DLEC1: variants seen among roughly 807,000 people sequenced by gnomAD.
The protein encoded by DLEC1 is DLEC1 cilia and flagella associated protein, also known as deleted in lung and esophageal cancer protein 1.
In DLEC1, 146 loss-of-function variants were observed where a neutral mutation model predicts 198.1. The observed-to-expected ratio is 0.74, with a 90% CI of 0.64 to 0.85. The LOEUF is 0.85. Ranked by LOEUF, DLEC1 falls within the 40% of genes least tolerant of loss-of-function variation. The pLI is 0.00. For missense variants in DLEC1, 2,233 were observed against 2,220.0 expected (o/e 1.01, Z -0.12); for synonymous variants, 897 against 866.8 (o/e 1.03, Z -0.61).
intron 27 of DLEC1, among the ~76,000 whole-genome samples, 171 bp downstream of exon 27, chr3:38,115,224 T>G (rs1178364025): frequency 6.6e-6 from 1 of 152,190 alleles, no homozygotes; most frequent in Non-Finnish European, 1.5e-5. Flanking sequence ...CCTGCTCTCA[T>G]CAGGGTTGCT....
chr3:38,050,755 TC>T (rs1180966511), intron 2 of DLEC1, among the ~76,000 whole-genome samples: 2 of 152,198 alleles, frequency 1.3e-5, no homozygotes, highest in South Asian at 4.1e-4. Context: ...TGACATTATT[TC>T]CCTCAGTCTT....
At chr3:38,117,730 A>G in intron 32 of DLEC1, 76 bp from the exon 33 acceptor site, 1 of 1,018,036 alleles carries the variant, frequency 9.8e-7, no homozygotes, top group Non-Finnish European at 1.5e-6. Context: ...CAGCCCTCCC[A>G]GCCCTACCCT....
intron 6 of DLEC1, among the ~76,000 whole-genome samples, chr3:38,072,965 G>A (rs888106776): frequency 7.2e-5 from 11 of 152,224 alleles, no homozygotes; most frequent in East Asian, 1.9e-4. Flanking sequence ...GGTGAGAAGC[G>A]GAGGGGTGGA....
At chr3:38,108,846 C>T (rs1699709247) in intron 21 of DLEC1, among the ~76,000 whole-genome samples, 2 of 152,332 alleles carry the variant, frequency 1.3e-5, no homozygotes, top group East Asian at 3.9e-4. Flanking sequence ...CAGAGCAGAG[C>T]TGTTGCTCAC....
Position 38,122,284 on chromosome 3 carries a change from C to T in DLEC1, c.5145-5C>T, listed in dbSNP as rs1340616424. 6 of 1,610,636 alleles carry T rather than the reference C, an allele frequency of 3.7e-6. No homozygotes were observed. In the South Asian group the frequency reaches 5.5e-5, roughly 15 times the overall value. On this transcript the variant is annotated splice_region_variant and splice_polypyrimidine_tract_variant and intron_variant, in intron 36 of 36. Coordinates refer to ENST00000308059, the MANE Select transcript of DLEC1 (RefSeq NM_007335.4). ...CTAACCTCAGCCCCCACATGCTCCC[C>T]ACAGGAGTAGTGAGCTGTACGAGTC...
chr3:38,121,940 TG>T, intron 35 of DLEC1, 130 bp from the exon 36 acceptor site: 4 of 1,514,580 alleles, frequency 2.6e-6, no homozygotes, highest in Non-Finnish European at 3.6e-6. Context: ...CAATCCCACA[TG>T]ATCTCAGGGT....
chr3:38,085,438 G>A lies in DLEC1; in HGVS notation c.1426G>A (p.Val476Met), dbSNP rs79138042. 8.7e-5 allele frequency: 140 copies of A among 1,613,786 alleles called. 1 individual carries two copies. Among genetic ancestry groups the A allele is most frequent in the South Asian group, 6.1e-4 (56 of 91,080 alleles). ...CCTGCAGGCCCGGAGGCCGCCCCCC[G>A]TGCTGACATGTGAGTGTGCACCGTA... ...IPLQARRPPP[V>M]LTLSPVLDCG... Residue 476 changes from valine to methionine, a missense_variant, in exon 8 of 37, where the codon GTG becomes ATG. Physicochemically the swap from Val to Met is conservative, Grantham distance 21. Coordinates refer to ENST00000308059, the MANE Select transcript of DLEC1 (RefSeq NM_007335.4).
rs1700154533 is a variant in DLEC1 at position 38,116,314 on chromosome 3, T to C, written c.3857-139T>C. 1.2e-5 allele frequency: 9 copies of C among 743,816 alleles called. No individual in the cohort carries two copies. The Admixed American group carries it at 1.3e-4, about 11-fold the overall frequency. 46.1% of individuals were successfully genotyped at this position (743,816 alleles called of 1,614,324 possible). A position where few individuals can be genotyped will look rare whatever the true frequency, so the allele number is the denominator to read the frequency against. On this transcript the variant is annotated intron_variant, in intron 27 of 36. Transcript: ENST00000308059. The stretch of plus-strand genomic sequence containing the variant: ...AATGAGAATTGCCTGGAAGTGGCAT[T>C]AGAGAGGCAGAGAGGCACCCCCTCC...
intron 6 of DLEC1, among the ~76,000 whole-genome samples, chr3:38,075,160 T>C (rs903685037): frequency 6.6e-6 from 1 of 151,750 alleles, no homozygotes; most frequent in Admixed American, 6.6e-5. Flanking sequence ...TCAACGACGC[T>C]TGGGGTTGGG....
Position 38,092,855 on chromosome 3 carries a change from C to T in DLEC1, c.1731C>T (p.Cys577=), listed in dbSNP as rs1698813057. ...EQTFIIMCDN[C]QIKELVTIGI... The stretch of plus-strand genomic sequence containing the variant: ...CCTTCATCATCATGTGCGACAACTG[C>T]CAGATAAAGGAGCTGGTGACCATAG... Residue 577 remains cysteine, a synonymous_variant, in exon 11 of 37, where the codon TGC becomes TGT. Transcript: ENST00000308059. 1 of 1,614,130 alleles carries T rather than the reference C, an allele frequency of 6.2e-7. No homozygotes were observed. The highest frequency in any genetic ancestry group is 2.2e-5 in the East Asian group (1 of 44,880).
At chr3:38,054,230 C>CAAACAA (rs1250674845) in intron 2 of DLEC1, among the ~76,000 whole-genome samples, 1 of 151,536 alleles carries the variant, frequency 6.6e-6, no homozygotes, top group Non-Finnish European at 1.5e-5. Context: ...AACAAACAAA[C>CAAACAA]AAACAAAAAC....
Position 38,096,643 on chromosome 3 carries a change from G to A in DLEC1, c.2246G>A (p.Gly749Asp), listed in dbSNP as rs761587663. The change falls in exon 15 of 37, where the codon GGC becomes GAC. Residue 749 changes from glycine to aspartate, a missense_variant. Physicochemically the swap from Gly to Asp is moderately conservative, Grantham distance 94. Coordinates refer to ENST00000308059, the MANE Select transcript of DLEC1 (RefSeq NM_007335.4). ...ATTGTCCTGGAAATCGAGGTGAAAG[G>A]CTCAGTAGAACCTTTCCAGGTTCTC... is the stretch of plus-strand genomic sequence containing the variant. ...DVIVLEIEVK[G>D]SVEPFQVLLE... is the part of the protein sequence containing the mutation. 6.2e-7 allele frequency: 1 copy of A among 1,613,010 alleles called. No homozygotes were observed. The highest frequency in any genetic ancestry group is 1.3e-5 in the African/African-American group (1 of 74,862).
At chr3:38,085,570 G>A in intron 8 of DLEC1, 123 bp downstream of exon 8, 1 of 1,182,914 alleles carries the variant, frequency 8.5e-7, no homozygotes, top group Non-Finnish European at 1.2e-6. Flanking sequence ...CAGGGGCCGT[G>A]GGTCCTGCAG....
At position 38,122,634 on chromosome 3, in the gene DLEC1, C is replaced by G. The variant is rs1700550315; in HGVS notation, c.*222C>G. ...ACAGGCCACACCACAGCAGAGACCA[C>G]CACATTGAGATCACTACTCAGTGCA... On this transcript the variant is annotated 3_prime_UTR_variant, in exon 37 of 37. Coordinates refer to ENST00000308059, the MANE Select transcript of DLEC1 (RefSeq NM_007335.4). 3 of 1,508,992 alleles carry G rather than the reference C, an allele frequency of 2.0e-6. No homozygotes were observed. Among genetic ancestry groups the G allele is most frequent in the Non-Finnish European group, 2.6e-6 (3 of 1,133,930 alleles). 93.5% of individuals were successfully genotyped at this position (1,508,992 alleles called of 1,614,324 possible). A position where few individuals can be genotyped will look rare whatever the true frequency, so the allele number is the denominator to read the frequency against.
chr3:38,109,574 G>A lies in DLEC1; in HGVS notation c.3260+12G>A. ...AGCTCTGATTGCAGGTGAGCCCAGG[G>A]TTGGTGGTCTGGGGGTGGCAGTGGA... On this transcript the variant is annotated intron_variant, in intron 22 of 36. Coordinates refer to ENST00000308059, the MANE Select transcript of DLEC1 (RefSeq NM_007335.4). 6.2e-7 allele frequency: 1 copy of A among 1,614,046 alleles called. No individual in the cohort carries two copies. Among genetic ancestry groups the A allele is most frequent in the Non-Finnish European group, 8.5e-7 (1 of 1,179,978 alleles).
chr3:38,041,692 C>T (rs753865403), intron 1 of DLEC1, among the ~76,000 whole-genome samples: 2 of 151,238 alleles, frequency 1.3e-5, no homozygotes, highest in African/African-American at 4.9e-5. Context: ...ACTAAAAATA[C>T]CAAAAATTAG....
chr3:38,102,777 C>T (rs1017049806), intron 19 of DLEC1, among the ~76,000 whole-genome samples: 5 of 152,146 alleles, frequency 3.3e-5, no homozygotes, highest in African/African-American at 1.2e-4. Flanking sequence ...GGAGAAAACC[C>T]ATACTGGGCA....
chr3:38,042,392 A>G (rs940095156), intron 1 of DLEC1, among the ~76,000 whole-genome samples: 1 of 152,320 alleles, frequency 6.6e-6, no homozygotes, highest in South Asian at 2.1e-4. Context: ...AACTTTCACA[A>G]CAAAATGTTA....
In DLEC1 at chr3:38,094,875, A is replaced by G. The variant is rs745820246; in HGVS notation, c.1920-4A>G. The G allele has an allele frequency of 4.1e-5, 66 of 1,613,204 alleles. No individual in the cohort carries two copies. The highest frequency in any genetic ancestry group is 5.3e-5 in the Non-Finnish European group (63 of 1,179,692). On this transcript the variant is annotated splice_region_variant and splice_polypyrimidine_tract_variant and intron_variant, in intron 12 of 36. Transcript: ENST00000308059. ...ACATGGCCTTGGATGCGTTGCCCCC[A>G]CAGGCACGTGGAGCTGGCCTTCTAC...
Sources: allele counts gnomAD v4.1 joint callset (sites outside exome capture counted in the v4.1 genomes callset), GRCh38; gene constraint gnomAD v4.1.1; transcripts MANE v1.5; gene names NCBI Gene and HGNC (gene_info 2026-07-23, HGNC 2026-07-21).